RAD51B: variants seen among roughly 807,000 people sequenced by gnomAD.
RAD51B encodes the protein RAD51 paralog B.
In RAD51B, 38 loss-of-function variants were observed where a neutral mutation model predicts 42.2. The ratio of observed to expected loss-of-function variants is 0.90; its 90% CI spans 0.70 to 1.18. The LOEUF (loss-of-function observed/expected upper bound fraction) is 1.18. Ranked by LOEUF, RAD51B falls within the 50% of genes most tolerant of loss-of-function variation. The pLI, the probability that RAD51B is intolerant of heterozygous loss-of-function variation, is 0.00. For synonymous variants in RAD51B, 154 were observed against 145.2 expected (o/e 1.06, Z -0.43); for missense variants, 373 against 400.7 (o/e 0.93, Z 0.59).
At chr14:68,157,068 G>A (rs555950000) in intron 7 of RAD51B, among the ~76,000 whole-genome samples, 22 of 152,198 alleles carry the variant, frequency 1.4e-4, no homozygotes, top group African/African-American at 5.3e-4. Flanking sequence ...GTGGTGGCAT[G>A]CACCTGTGGT....
chr14:68,514,773 AAT>A (rs1401659464), intron 10 of RAD51B, among the ~76,000 whole-genome samples: 3 of 152,198 alleles, frequency 2.0e-5, no homozygotes, highest in African/African-American at 7.2e-5. Context: ...TCACCTGCTT[AAT>A]GCATTTCAGG....
intron 7 of RAD51B, among the ~76,000 whole-genome samples, chr14:68,027,885 A>G (rs746999976): frequency 2.0e-5 from 3 of 152,132 alleles, no homozygotes; most frequent in Non-Finnish European, 4.4e-5. Flanking sequence ...TTTGTAGTTA[A>G]GTGGACACTC....
intron 10 of RAD51B, among the ~76,000 whole-genome samples, chr14:68,623,940 C>T (rs1294023952): frequency 6.6e-6 from 1 of 152,228 alleles, no homozygotes; most frequent in East Asian, 1.9e-4. Flanking sequence ...TATAACCCCT[C>T]TGGGTTGGAA....
intron 10 of RAD51B, among the ~76,000 whole-genome samples, chr14:68,510,783 T>C (rs10131789): frequency 0.24 from 36,037 of 152,150 alleles, 4,601 homozygotes; most frequent in East Asian, 0.51. Context: ...ATTTGGTTCC[T>C]GGGATCATAA....
At position 67,930,211 on chromosome 14, in the gene RAD51B, G is replaced by T. The variant is rs187948827; in HGVS notation, c.756+43007G>T. 5.1e-3 allele frequency among the ~76,000 whole-genome samples: 780 copies of T among 152,068 alleles called. 11 individuals are homozygous for T. Among genetic ancestry groups the T allele is most frequent in the Non-Finnish European group, 5.3e-3 (361 of 67,958 alleles). ...TATTCAAGGTTATTATTGAGGTTTT[G>T]TTCCTTCATATTGTTAATTGTTTGC... is the stretch of plus-strand genomic sequence containing the variant. On this transcript the variant is annotated intron_variant, in intron 7 of 10. Coordinates refer to ENST00000471583, the MANE Select transcript of RAD51B (RefSeq NM_133510.4).
chr14:67,927,200 G>T (rs1378306194), intron 7 of RAD51B, among the ~76,000 whole-genome samples: 1 of 151,966 alleles, frequency 6.6e-6, no homozygotes, highest in Admixed American at 6.6e-5. Flanking sequence ...ATATACCTTG[G>T]ATATGGATAT....
chr14:67,978,107 G>A (rs2075027894), intron 7 of RAD51B, among the ~76,000 whole-genome samples: 1 of 152,104 alleles, frequency 6.6e-6, no homozygotes, highest in South Asian at 2.1e-4. Context: ...GTTTTAGGAT[G>A]ATTTATAATA....
intron 7 of RAD51B, among the ~76,000 whole-genome samples, chr14:67,960,957 A>G (rs906440946): frequency 1.3e-5 from 2 of 152,040 alleles, no homozygotes; most frequent in African/African-American, 4.8e-5. Flanking sequence ...GGCATGAGCC[A>G]CTGTGCCTGG....
chr14:68,055,260 G>A (rs542462359), intron 7 of RAD51B, among the ~76,000 whole-genome samples: 91 of 152,224 alleles, frequency 6.0e-4, no homozygotes, highest in Middle Eastern at 3.4e-3. Flanking sequence ...GACATGTTCA[G>A]TATAGCTAAT....
chr14:68,205,489 T>C (rs2079566223), intron 7 of RAD51B, among the ~76,000 whole-genome samples: 1 of 152,174 alleles, frequency 6.6e-6, no homozygotes, highest in African/African-American at 2.4e-5. Context: ...ACAAGTGCAA[T>C]GTTTCAACCT....
At chr14:68,669,731 G>C (rs1485827877) in intron 11 of RAD51B, among the ~76,000 whole-genome samples, 1 of 151,964 alleles carries the variant, frequency 6.6e-6, no homozygotes, top group Non-Finnish European at 1.5e-5. Context: ...AACCAAGTGG[G>C]GCCCAGTAAG....
At chr14:68,287,494 A>G (rs1012589280) in intron 7 of RAD51B, among the ~76,000 whole-genome samples, 3 of 152,226 alleles carry the variant, frequency 2.0e-5, no homozygotes, top group African/African-American at 7.2e-5. Context: ...GATTCTGTCT[A>G]TTCCTGGCTT....
intron 8 of RAD51B, among the ~76,000 whole-genome samples, chr14:68,318,244 T>C (rs1389066623): frequency 6.6e-6 from 1 of 152,234 alleles, no homozygotes; most frequent in African/African-American, 2.4e-5. Flanking sequence ...AACCTGGCCA[T>C]AGGCTGCTGT....
At chr14:68,413,688 G>A (rs891213392) in intron 9 of RAD51B, among the ~76,000 whole-genome samples, 34 of 152,298 alleles carry the variant, frequency 2.2e-4, no homozygotes, top group African/African-American at 2.4e-5. Flanking sequence ...TGTGCTTAGT[G>A]ATTCCCTGAG....
At chr14:68,605,906 G>T (rs1268129625) in intron 10 of RAD51B, among the ~76,000 whole-genome samples, 1 of 152,190 alleles carries the variant, frequency 6.6e-6, no homozygotes, top group African/African-American at 2.4e-5. Context: ...TCTAAGTGTG[G>T]TTGGTAGGTA....
intron 8 of RAD51B, among the ~76,000 whole-genome samples, chr14:68,403,791 A>C (rs1394617867): frequency 6.6e-6 from 1 of 152,252 alleles, no homozygotes; most frequent in Non-Finnish European, 1.5e-5. Context: ...CATTGTTAAC[A>C]GAATAAAAAA....
intron 9 of RAD51B, among the ~76,000 whole-genome samples, chr14:68,425,768 G>A (rs1263005446): frequency 6.6e-6 from 1 of 152,202 alleles, no homozygotes; most frequent in African/African-American, 2.4e-5. Context: ...ATGGGTAAAG[G>A]CTGGAAGAAT....
chr14:68,358,338 T>C (rs755051944), intron 8 of RAD51B, among the ~76,000 whole-genome samples: 5 of 152,206 alleles, frequency 3.3e-5, no homozygotes, highest in Non-Finnish European at 7.3e-5. Context: ...ATCTGCAAAG[T>C]GCAATACAGC....
At chr14:68,640,322 G>A (rs945327224) in intron 10 of RAD51B, among the ~76,000 whole-genome samples, 2 of 152,130 alleles carry the variant, frequency 1.3e-5, no homozygotes, top group East Asian at 1.9e-4. Context: ...GTCAACCTAC[G>A]GCAAACACCT....
Sources: allele counts gnomAD v4.1 joint callset (sites outside exome capture counted in the v4.1 genomes callset), GRCh38; gene constraint gnomAD v4.1.1; transcripts MANE v1.5; gene names NCBI Gene and HGNC (gene_info 2026-07-23, HGNC 2026-07-21).